Variants in NEDD9 observed in about 807,000 individuals in gnomAD.
The protein encoded by NEDD9 is neural precursor cell expressed, developmentally down-regulated 9.
A neutral mutation model predicts 76.6 loss-of-function variants in NEDD9; 26 were observed. The ratio of observed to expected loss-of-function variants is 0.34; its 90% CI spans 0.25 to 0.47. The LOEUF (loss-of-function observed/expected upper bound fraction) is 0.47. NEDD9 is among the 20% of genes least tolerant of loss of function. The probability of loss-of-function intolerance (pLI) is 1.00; values close to 1 mark genes in which losing one functional copy is unlikely to be tolerated. For missense variants in NEDD9, 937 were observed against 1,058.5 expected (o/e 0.89, Z 1.59); for synonymous variants, 392 against 414.2 (o/e 0.95, Z 0.65).
At chr6:11,208,177 C>CAAA (rs201241404) in intron 2 of NEDD9, among the ~76,000 whole-genome samples, 3 of 64,034 alleles carry the variant, frequency 4.7e-5, no homozygotes, top group Admixed American at 1.8e-4. Context: ...GACCCTGACT[C>CAAA]AAAAAAAAAA....
intron 2 of NEDD9, chr6:11,306,264 G>A (rs557526780): frequency 1.9e-6 from 1 of 530,008 alleles, no homozygotes; most frequent in African/African-American, 1.9e-5. Flanking sequence ...CAAATCCATA[G>A]TCTTGTGAAT....
chr6:11,336,802 A>G (rs1762169261), intron 1 of NEDD9, among the ~76,000 whole-genome samples: 5 of 152,268 alleles, frequency 3.3e-5, no homozygotes, highest in Admixed American at 3.3e-4. Context: ...GAAAGACACT[A>G]GAACACGTAT....
intron 2 of NEDD9, among the ~76,000 whole-genome samples, chr6:11,327,553 C>T (rs943827886): frequency 2.0e-5 from 3 of 152,210 alleles, no homozygotes; most frequent in Non-Finnish European, 2.9e-5. Context: ...TTGAAAGCCA[C>T]GTTACTCGAT....
chr6:11,339,032 A>G (rs1255306603), intron 1 of NEDD9, among the ~76,000 whole-genome samples: 3 of 152,026 alleles, frequency 2.0e-5, no homozygotes, highest in Non-Finnish European at 2.9e-5. Flanking sequence ...ATATACAAAT[A>G]AATTCAAAAG....
At chr6:11,321,540 C>G (rs1761803614) in intron 2 of NEDD9, among the ~76,000 whole-genome samples, 1 of 152,196 alleles carries the variant, frequency 6.6e-6, no homozygotes. Context: ...GGGAGAAACT[C>G]AAGTCTGAAA....
chr6:11,271,446 G>A (rs1237461515), intron 3 of NEDD9: 1 of 152,268 alleles, frequency 6.6e-6, no homozygotes, highest in Non-Finnish European at 1.5e-5. Flanking sequence ...CTGGTAGCCT[G>A]GCCAAGTCTG....
rs1424067391 is a variant in NEDD9, at chr6:11,184,348, A to G, written c.*814T>C. 6.6e-6 allele frequency: 1 copy of G among 152,248 alleles called. No individual in the cohort carries two copies. The allele number at this position is 152,248 out of a possible 1,614,324, so 9.4% of individuals were successfully genotyped here. On this transcript the variant is annotated 3_prime_UTR_variant, in exon 7 of 7. Coordinates refer to ENST00000379446, the MANE Select transcript of NEDD9 (RefSeq NM_006403.4). ...TGCAAATATGGTTTTTACAACTCTAAAAACATCTTTTGGAAAACCTCATGA... is the reference window on the plus strand; with the variant it reads ...TGCAAATATGGTTTTTACAACTCTAGAAACATCTTTTGGAAAACCTCATGA...
intron 3 of NEDD9, among the ~76,000 whole-genome samples, chr6:11,239,080 T>C (rs1193165490): frequency 6.6e-6 from 1 of 152,046 alleles, no homozygotes; most frequent in Non-Finnish European, 1.5e-5. Flanking sequence ...GGGGGGAGGA[T>C]CACTTGAGCC....
chr6:11,337,871 C>A (rs954994841), intron 1 of NEDD9, among the ~76,000 whole-genome samples: 1 of 152,112 alleles, frequency 6.6e-6, no homozygotes, highest in Non-Finnish European at 1.5e-5. Flanking sequence ...GATGGTAGTG[C>A]GTTAAAAAAT....
chr6:11,256,759 C>T (rs1337537153), intron 3 of NEDD9, among the ~76,000 whole-genome samples: 3 of 152,270 alleles, frequency 2.0e-5, no homozygotes, highest in East Asian at 1.9e-4. Flanking sequence ...CCACCCTGCC[C>T]GGTCGAATTC....
rs1386531979 is a variant in NEDD9, at chr6:11,279,258, T to C, written c.12+26734A>G. Among the ~76,000 whole-genome samples the C allele has an allele frequency of 1.8e-4, 27 of 152,242 alleles. 1 individual carries two copies. Among genetic ancestry groups the C allele is most frequent in the Admixed American group, 1.8e-3 (27 of 15,282 alleles). On this transcript the variant is annotated intron_variant, in intron 3 of 3. Coordinates refer to the NEDD9 transcript ENST00000397378. ...TGAGGAATTGCTGCAGGACTGCAGA[T>C]GTTTGTCAGAATACTCACACCTGCT...
chr6:11,262,855 A>G (rs1045865581), intron 3 of NEDD9, among the ~76,000 whole-genome samples: 3 of 152,272 alleles, frequency 2.0e-5, no homozygotes, highest in Admixed American at 2.0e-4. Flanking sequence ...AAATCAGATG[A>G]CATTTAAAAT....
chr6:11,232,432 C>A, intron 1 of NEDD9, 72 bp downstream of exon 1: 1 of 1,573,560 alleles, frequency 6.4e-7, no homozygotes, highest in South Asian at 1.1e-5. Flanking sequence ...GTAAGGAACA[C>A]GCATACACAA....
intron 2 of NEDD9, among the ~76,000 whole-genome samples, chr6:11,319,589 C>CAT (rs1761708484): frequency 2.0e-5 from 3 of 147,968 alleles, no homozygotes; most frequent in African/African-American, 5.0e-5. Flanking sequence ...CTCACACTAA[C>CAT]GCACACACTA....
At chr6:11,240,244 C>G (rs1759686681) in intron 3 of NEDD9, among the ~76,000 whole-genome samples, 1 of 152,024 alleles carries the variant, frequency 6.6e-6, no homozygotes, top group Non-Finnish European at 1.5e-5. Context: ...TCTAGATCTT[C>G]TAGGTTACAG....
intron 1 of NEDD9, among the ~76,000 whole-genome samples, chr6:11,221,008 G>C (rs1759125324): frequency 1.3e-5 from 2 of 152,188 alleles, no homozygotes; most frequent in Non-Finnish European, 2.9e-5. Flanking sequence ...CTGGCCCACG[G>C]TGGAAGATGA....
intron 3 of NEDD9, among the ~76,000 whole-genome samples, chr6:11,192,985 T>C (rs1231270280): frequency 7.0e-6 from 1 of 143,024 alleles, no homozygotes; most frequent in Non-Finnish European, 1.5e-5. Context: ...ATCTACGCTG[T>C]CTGTACTTTA....
At chr6:11,366,950 G>A (rs1005199043) in intron 1 of NEDD9, among the ~76,000 whole-genome samples, 4 of 152,212 alleles carry the variant, frequency 2.6e-5, no homozygotes, top group African/African-American at 9.6e-5. Context: ...AATCTTGGCT[G>A]TTAATATTTT....
At chr6:11,346,796 C>T (rs1762373733) in intron 1 of NEDD9, among the ~76,000 whole-genome samples, 2 of 152,038 alleles carry the variant, frequency 1.3e-5, no homozygotes, top group South Asian at 2.1e-4. Flanking sequence ...AGGGGGCTGG[C>T]TCATGGGCAC....
Sources: gnomAD v4.1 joint callset for allele counts (sites outside exome capture counted in the v4.1 genomes callset) on GRCh38, gnomAD v4.1.1 for gene constraint, MANE v1.5 for transcripts, NCBI Gene and HGNC (gene_info 2026-07-23, HGNC 2026-07-21) for gene names.